The following PJA2 variants were observed in gnomAD, a reference collection of about 807,000 sequenced individuals.
The protein encoded by PJA2 is E3 ubiquitin-protein ligase Praja-2.
In PJA2, 25 loss-of-function variants were observed where a neutral mutation model predicts 69.3. That is an observed-to-expected ratio of 0.36 (90% CI 0.26 to 0.50). PJA2 has a LOEUF of 0.50. PJA2 is among the 20% of genes least tolerant of loss of function. The pLI, the probability that PJA2 is intolerant of heterozygous loss-of-function variation, is 0.96. For missense variants in PJA2, 809 were observed against 830.2 expected (o/e 0.97, Z 0.31); for synonymous variants, 308 against 277.8 (o/e 1.11, Z -1.08).
intron 1 of PJA2, among the ~76,000 whole-genome samples, chr5:109,392,960 C>T (rs929955996): frequency 1.1e-4 from 16 of 151,650 alleles, no homozygotes; most frequent in African/African-American, 3.9e-4. Context: ...TTAAAGCAGG[C>T]AACAAAAACT....
chr5:109,364,494 G>C (rs1385471542), intron 5 of PJA2, among the ~76,000 whole-genome samples: 2 of 150,382 alleles, frequency 1.3e-5, no homozygotes, highest in Non-Finnish European at 3.0e-5. Context: ...GTAGTGGCGG[G>C]CGCCTGTAGT....
chr5:109,396,719 C>T (rs1242958871), intron 1 of PJA2, among the ~76,000 whole-genome samples: 1 of 138,604 alleles, frequency 7.2e-6, no homozygotes, highest in South Asian at 2.2e-4. Flanking sequence ...GCACCGCACC[C>T]GGCCTAACAT....
chr5:109,395,925 G>T (rs533872608), intron 1 of PJA2, among the ~76,000 whole-genome samples: 1 of 151,632 alleles, frequency 6.6e-6, no homozygotes, highest in African/African-American at 2.4e-5. Flanking sequence ...ACTTGAACCC[G>T]GGAGGCAGAG....
chr5:109,384,577 T>C (rs1561359836), intron 1 of PJA2, among the ~76,000 whole-genome samples: 2 of 152,106 alleles, frequency 1.3e-5, no homozygotes, highest in African/African-American at 2.4e-5. Flanking sequence ...ATTAATGCAA[T>C]AGCTCTGCAA....
chr5:109,399,854 A>G lies in PJA2; in HGVS notation c.-88+9988T>C, dbSNP rs570112903. Among the ~76,000 whole-genome samples the G allele has an allele frequency of 1.6e-4, 25 of 152,340 alleles. No homozygotes were observed. The South Asian group carries it at 4.8e-3, about 29-fold the overall frequency. On this transcript the variant is annotated intron_variant, in intron 1 of 9. Coordinates refer to ENST00000361189, the MANE Select transcript of PJA2 (RefSeq NM_014819.5). ...TTACCCTTTTAAAGGCTCTAGCACA[A>G]AGGTAGGAACATGCATCAACTCATG...
intron 9 of PJA2, 79 bp downstream of exon 9, chr5:109,344,111 A>G (rs1184357544): frequency 2.2e-6 from 2 of 924,916 alleles, no homozygotes; most frequent in African/African-American, 1.8e-5. Context: ...AAAAAAAAAA[A>G]AAAAAAAAAG....
At chr5:109,372,209 C>T (rs781286615) in intron 4 of PJA2, among the ~76,000 whole-genome samples, 1 of 152,030 alleles carries the variant, frequency 6.6e-6, no homozygotes, top group African/African-American at 2.4e-5. Flanking sequence ...GAAATAGTGA[C>T]CTATAGAATA....
chr5:109,368,848 A>C, intron 4 of PJA2, 102 bp from the exon 5 acceptor site: 1 of 1,223,092 alleles, frequency 8.2e-7, no homozygotes, highest in Non-Finnish European at 1.1e-6. Flanking sequence ...TCCCCACCAA[A>C]TCTCATGTTG....
chr5:109,381,196 A>G (rs1747039325), intron 3 of PJA2, among the ~76,000 whole-genome samples: 1 of 152,122 alleles, frequency 6.6e-6, no homozygotes, highest in East Asian at 1.9e-4. Context: ...CACATTTTTA[A>G]AAATTTCAAA....
intron 1 of PJA2, among the ~76,000 whole-genome samples, chr5:109,394,392 C>T (rs1375400522): frequency 2.0e-5 from 3 of 152,130 alleles, no homozygotes; most frequent in Non-Finnish European, 4.4e-5. Context: ...TGACTTCAGC[C>T]TGTGCTAATT....
At chr5:109,344,408 A>T in intron 8 of PJA2, 97 bp from the exon 9 acceptor site, 1 of 1,311,842 alleles carries the variant, frequency 7.6e-7, no homozygotes, top group Non-Finnish European at 1.0e-6. Flanking sequence ...CCTCTGAAAG[A>T]CGAAAGAGCC....
chr5:109,400,030 C>T (rs1193462539), intron 1 of PJA2, among the ~76,000 whole-genome samples: 1 of 152,120 alleles, frequency 6.6e-6, no homozygotes, highest in East Asian at 1.9e-4. Context: ...TGGCTCACAC[C>T]TGTAATCCCA....
In PJA2 at chr5:109,362,900, T is replaced by C; in HGVS notation, c.1592A>G (p.Asp531Gly). The change falls in exon 6 of 10, where the codon GAT (aspartate) becomes GGT (glycine). Residue 531 changes from aspartate to glycine, a missense_variant. Coordinates refer to ENST00000361189, the MANE Select transcript of PJA2 (RefSeq NM_014819.5). ...NEFAQPAFML[D>G]GNNNLEDDSS... ...GTCATCCTCCAGGTTATTGTTACCA[T>C]CCAACATGAAAGCTGGCTGTGCAAA... The C allele has an allele frequency of 6.2e-7, 1 of 1,613,824 alleles. No homozygotes were observed. The highest frequency in any genetic ancestry group is 8.5e-7 in the Non-Finnish European group (1 of 1,179,802).
At chr5:109,401,401 A>G (rs939109121) in intron 1 of PJA2, among the ~76,000 whole-genome samples, 1 of 152,192 alleles carries the variant, frequency 6.6e-6, no homozygotes, top group Non-Finnish European at 1.5e-5. Context: ...TCAAGGCTAT[A>G]GTGAGACAAG....
intron 1 of PJA2, among the ~76,000 whole-genome samples, chr5:109,384,015 C>A (rs1747106843): frequency 3.3e-5 from 5 of 152,194 alleles, no homozygotes; most frequent in Admixed American, 3.3e-4. Flanking sequence ...ATGTGAAATA[C>A]AGATTTACAT....
intron 6 of PJA2, 143 bp from the exon 7 acceptor site, chr5:109,356,169 GTAGGGT>G: frequency 3.3e-6 from 2 of 603,416 alleles, no homozygotes; most frequent in Non-Finnish European, 5.8e-6. Flanking sequence ...ATACCAACTT[GTAGGGT>G]TAGGGGCAGG....
At chr5:109,351,363 G>C (rs1762248608) in intron 7 of PJA2, among the ~76,000 whole-genome samples, 3 of 152,136 alleles carry the variant, frequency 2.0e-5, no homozygotes, top group African/African-American at 7.2e-5. Flanking sequence ...AAAGGAAAAT[G>C]CCTCCATCTC....
chr5:109,366,769 T>C (rs1762590877), intron 5 of PJA2, among the ~76,000 whole-genome samples: 2 of 152,324 alleles, frequency 1.3e-5, no homozygotes, highest in South Asian at 4.1e-4. Flanking sequence ...GAATAACTGC[T>C]AACACAAATG....
intron 7 of PJA2, among the ~76,000 whole-genome samples, chr5:109,354,763 T>C (rs1762383649): frequency 6.8e-6 from 1 of 147,742 alleles, no homozygotes; most frequent in South Asian, 2.1e-4. Context: ...GATATATAAA[T>C]ATATTATTAA....
Sources: allele counts gnomAD v4.1 joint callset (sites outside exome capture counted in the v4.1 genomes callset), GRCh38; gene constraint gnomAD v4.1.1; transcripts MANE v1.5; gene names NCBI Gene and HGNC (gene_info 2026-07-23, HGNC 2026-07-21).